Variants in SLC26A7 observed in about 807,000 individuals in gnomAD.
SLC26A7 encodes anion exchange transporter.
A neutral mutation model predicts 82.5 loss-of-function variants in SLC26A7; 59 were observed. That is an observed-to-expected ratio of 0.72 (90% CI 0.58 to 0.89). The LOEUF (loss-of-function observed/expected upper bound fraction) is 0.89. Among genes scored for constraint, SLC26A7 ranks in the 40% least tolerant of loss-of-function variants. The pLI, the probability that SLC26A7 is intolerant of heterozygous loss-of-function variation, is 0.00. For missense variants in SLC26A7, 820 were observed against 793.0 expected, an observed-to-expected ratio of 1.03 and a Z score of -0.41; for synonymous variants, 271 against 274.3, an observed-to-expected ratio of 0.99 and a Z score of 0.12.
intron 1 of SLC26A7, among the ~76,000 whole-genome samples, chr8:91,210,987 G>T (rs1809904044): frequency 1.3e-5 from 2 of 152,086 alleles, no homozygotes; most frequent in African/African-American, 4.8e-5. Flanking sequence ...GAGAGCTAAA[G>T]ATGAAATGTT....
At chr8:91,230,027 T>C (rs1810291168) in intron 2 of SLC26A7, among the ~76,000 whole-genome samples, 1 of 152,208 alleles carries the variant, frequency 6.6e-6, no homozygotes, top group African/African-American at 2.4e-5. Flanking sequence ...TTGCCTGTTG[T>C]AGAACTTCCT....
intron 2 of SLC26A7, among the ~76,000 whole-genome samples, chr8:91,283,401 C>T (rs550731579): frequency 1.3e-5 from 2 of 152,234 alleles, no homozygotes; most frequent in South Asian, 4.1e-4. Context: ...AGAAAAGTGC[C>T]TCAGGTTCAC....
intron 2 of SLC26A7, among the ~76,000 whole-genome samples, chr8:91,283,800 T>C (rs918270938): frequency 3.3e-5 from 5 of 152,218 alleles, no homozygotes; most frequent in African/African-American, 7.2e-5. Flanking sequence ...CTTTTATTCA[T>C]ATGAAATATC....
intron 15 of SLC26A7, among the ~76,000 whole-genome samples, chr8:91,375,660 GT>G (rs111393337): frequency 0.17 from 23,350 of 136,570 alleles, 1,822 homozygotes; most frequent in African/African-American, 0.29. Flanking sequence ...CCTTTAAGTT[GT>G]TTTTTTTTTT....
At chr8:91,261,009 C>T (rs1810948766) in intron 2 of SLC26A7, among the ~76,000 whole-genome samples, 1 of 152,104 alleles carries the variant, frequency 6.6e-6, no homozygotes, top group Non-Finnish European at 1.5e-5. Context: ...GTAAACTAGA[C>T]AGCTGGTTAT....
intron 11 of SLC26A7, among the ~76,000 whole-genome samples, chr8:91,355,294 A>G (rs1813831721): frequency 6.6e-6 from 1 of 152,136 alleles, no homozygotes; most frequent in African/African-American, 2.4e-5. Context: ...TCTGAGCATG[A>G]CATAATCTTT....
chr8:91,271,050 G>A (rs1811253760), intron 2 of SLC26A7, among the ~76,000 whole-genome samples: 1 of 152,072 alleles, frequency 6.6e-6, no homozygotes, highest in Non-Finnish European at 1.5e-5. Flanking sequence ...CTATAACTAA[G>A]GTATTATAAT....
At chr8:91,265,554 T>G (rs1331863457) in intron 2 of SLC26A7, among the ~76,000 whole-genome samples, 3 of 151,998 alleles carry the variant, frequency 2.0e-5, no homozygotes, top group African/African-American at 7.2e-5. Flanking sequence ...CATTTGTTAT[T>G]GATTTATTTT....
chr8:91,255,334 G>A (rs1810773050), intron 2 of SLC26A7, among the ~76,000 whole-genome samples: 1 of 152,108 alleles, frequency 6.6e-6, no homozygotes, highest in Non-Finnish European at 1.5e-5. Flanking sequence ...TGTGGAAGCT[G>A]AGCTTCATTG....
chr8:91,264,497 T>C (rs1451005127), intron 2 of SLC26A7, among the ~76,000 whole-genome samples: 1 of 151,964 alleles, frequency 6.6e-6, no homozygotes, highest in Non-Finnish European at 1.5e-5. Context: ...AAAACCAAAA[T>C]GCTACTCAAT....
intron 2 of SLC26A7, among the ~76,000 whole-genome samples, chr8:91,279,716 C>A (rs56017022): frequency 0.065 from 9,833 of 152,154 alleles, 451 homozygotes; most frequent in Non-Finnish European, 0.097. Context: ...TCCACCACCA[C>A]GCCCGGCTAA....
At chr8:91,331,776 T>C (rs549239670) in intron 5 of SLC26A7, among the ~76,000 whole-genome samples, 1 of 152,110 alleles carries the variant, frequency 6.6e-6, no homozygotes, top group Non-Finnish European at 1.5e-5. Flanking sequence ...CACAAGGGCA[T>C]GTAAAAGAGT....
chr8:91,220,998 G>A (rs62526742), intron 2 of SLC26A7, among the ~76,000 whole-genome samples: 4,867 of 152,262 alleles, frequency 0.032, 88 homozygotes, highest in Middle Eastern at 0.044. Flanking sequence ...CAGTGTAAAA[G>A]CATTCCTATT....
At chr8:91,387,421 C>A (rs1283805220) in intron 15 of SLC26A7, among the ~76,000 whole-genome samples, 1 of 152,144 alleles carries the variant, frequency 6.6e-6, no homozygotes, top group African/African-American at 2.4e-5. Flanking sequence ...GGAAACATAG[C>A]CTGAATGTCC....
At chr8:91,389,587 A>G (rs1586482730) in intron 16 of SLC26A7, 149 bp downstream of exon 16, 1 of 657,898 alleles carries the variant, frequency 1.5e-6, no homozygotes, top group East Asian at 2.6e-5. Context: ...TTTGCCTACC[A>G]TCACTGTAGA....
At chr8:91,393,368 A>G (rs531910837) in intron 16 of SLC26A7, among the ~76,000 whole-genome samples, 1 of 152,262 alleles carries the variant, frequency 6.6e-6, no homozygotes, top group Non-Finnish European at 1.5e-5. Context: ...TCTCAATTTA[A>G]CATTCATGCA....
chr8:91,290,488 T>G (rs1350892000), intron 3 of SLC26A7, among the ~76,000 whole-genome samples: 3 of 152,224 alleles, frequency 2.0e-5, no homozygotes, highest in Non-Finnish European at 1.5e-5. Context: ...CTGCATTCTT[T>G]GGCTCATGGA....
chr8:91,330,125 A>G (rs1187664949), intron 5 of SLC26A7, among the ~76,000 whole-genome samples: 1 of 152,166 alleles, frequency 6.6e-6, no homozygotes, highest in Admixed American at 6.6e-5. Flanking sequence ...GTATCTGATT[A>G]CATAACTAGT....
At chr8:91,327,997 A>G (rs1414331098) in intron 5 of SLC26A7, among the ~76,000 whole-genome samples, 1 of 152,144 alleles carries the variant, frequency 6.6e-6, no homozygotes, top group Non-Finnish European at 1.5e-5. Flanking sequence ...TGTATATTTT[A>G]TTACAACAAA....
Sources: allele counts gnomAD v4.1 joint callset (sites outside exome capture counted in the v4.1 genomes callset), GRCh38; gene constraint gnomAD v4.1.1; transcripts MANE v1.5; gene names NCBI Gene and HGNC (gene_info 2026-07-23, HGNC 2026-07-21).